Variants in NLRP5 observed in about 807,000 individuals in gnomAD.
The protein encoded by NLRP5 is NLR family pyrin domain containing 5.
NLRP5 carries 93 observed loss-of-function variants against 113.1 expected under a neutral mutation model. That is an observed-to-expected ratio of 0.82 (90% CI 0.70 to 0.98). NLRP5 has a LOEUF of 0.98. NLRP5 is among the 50% of genes least tolerant of loss of function. The pLI is 0.00. For synonymous variants in NLRP5, 751 were observed against 600.7 expected (o/e 1.25, Z -3.66); for missense variants, 1,808 against 1,514.3 (o/e 1.19, Z -3.22).
At chr19:56,013,761 G>C (rs576208113) in intron 3 of NLRP5, among the ~76,000 whole-genome samples, 1 of 151,902 alleles carries the variant, frequency 6.6e-6, no homozygotes, top group African/African-American at 2.4e-5. Flanking sequence ...CTGCCAAATG[G>C]TTTTTCTTGA....
chr19:56,023,929 C>T (rs903741047), intron 6 of NLRP5, among the ~76,000 whole-genome samples: 2 of 152,014 alleles, frequency 1.3e-5, no homozygotes, highest in African/African-American at 2.4e-5. Context: ...AATAGTAGTA[C>T]CAGTAAACTT....
At chr19:56,056,920 A>G (rs1158183286) in intron 13 of NLRP5, among the ~76,000 whole-genome samples, 2 of 152,150 alleles carry the variant, frequency 1.3e-5, no homozygotes, top group Non-Finnish European at 2.9e-5. Context: ...CCAGTGGATC[A>G]CTTGAGGTCA....
chr19:55,991,543 T>A, the NLRP5 span, among the ~76,000 whole-genome samples: 1 of 152,212 alleles, frequency 6.6e-6, no homozygotes, highest in African/African-American at 2.4e-5. Context: ...TAGCCACTTT[T>A]CTAAATTATG....
At chr19:56,003,427 T>C (rs1247440369) in intron 1 of NLRP5, among the ~76,000 whole-genome samples, 1 of 152,214 alleles carries the variant, frequency 6.6e-6, no homozygotes, top group Non-Finnish European at 1.5e-5. Flanking sequence ...GTGCTGGGAT[T>C]ACAGGCGTGA....
intron 11 of NLRP5, among the ~76,000 whole-genome samples, chr19:56,045,205 G>A (rs553759461): frequency 2.3e-4 from 35 of 152,200 alleles, no homozygotes; most frequent in African/African-American, 7.2e-4. Flanking sequence ...TCTTTCTCTC[G>A]TCTGATTACT....
At position 56,003,929 on chromosome 19, in the gene NLRP5, C is replaced by A. The variant is rs1277901232; in HGVS notation, c.276C>A (p.Thr92=). Reference sequence around the variant, plus strand: ...TAAAGAAGAAATCTTCAGAATCGACCACATGCTCTATTCCACAGTTTGAAA... The same window carrying A: ...TAAAGAAGAAATCTTCAGAATCGACAACATGCTCTATTCCACAGTTTGAAA... The change falls in exon 2 of 15, where the codon ACC becomes ACA. Residue 92 remains threonine (T), a synonymous_variant. Transcript: ENST00000390649. The A allele has an allele frequency of 6.2e-7, 1 of 1,613,972 alleles. No homozygotes were observed.
At chr19:56,055,473 T>A (rs1167158305) in intron 13 of NLRP5, among the ~76,000 whole-genome samples, 3 of 151,262 alleles carry the variant, frequency 2.0e-5, no homozygotes, top group African/African-American at 7.3e-5. Context: ...AATCAAGGCT[T>A]ACTTATCTTA....
At chr19:56,034,083 A>G (rs1474696489) in intron 9 of NLRP5, among the ~76,000 whole-genome samples, 21 of 152,132 alleles carry the variant, frequency 1.4e-4, no homozygotes, top group Admixed American at 1.2e-3. Context: ...TTTTAATTGT[A>G]TAGAGGTTGA....
At position 56,024,421 on chromosome 19, in the gene NLRP5, T is replaced by TTA. The variant is rs1555766886; in HGVS notation, c.680-2485_680-2484dup. 5.6e-5 allele frequency among the ~76,000 whole-genome samples: 8 copies of TTA among 141,770 alleles called. No individual in the cohort carries two copies. In the East Asian group the frequency reaches 1.0e-3, roughly 18 times the overall value. 93.0% of individuals were successfully genotyped at this position (141,770 alleles called of 152,430 possible). On this transcript the variant is annotated intron_variant, in intron 6 of 14. Coordinates refer to ENST00000390649, the MANE Select transcript of NLRP5 (RefSeq NM_153447.4). ...ATATATGTACATATATGTATATATG[T>TTA]TATATATACACATATACATATATTT...
intron 11 of NLRP5, among the ~76,000 whole-genome samples, chr19:56,048,762 T>C (rs1983817624): frequency 6.6e-6 from 1 of 152,116 alleles, no homozygotes; most frequent in African/African-American, 2.4e-5. Context: ...GATGTCTAGT[T>C]CTCTAGAAAG....
intron 9 of NLRP5, among the ~76,000 whole-genome samples, chr19:56,036,055 A>AT (rs1261118713): frequency 1.2e-4 from 11 of 90,596 alleles, no homozygotes; most frequent in Middle Eastern, 6.7e-3. Context: ...ATGAATTGAG[A>AT]TTCTTTTTTT....
the NLRP5 span, among the ~76,000 whole-genome samples, chr19:55,992,528 T>C: frequency 6.6e-6 from 1 of 152,126 alleles, no homozygotes; most frequent in Non-Finnish European, 1.5e-5. Flanking sequence ...CTCAGCAGCG[T>C]CGGTTTTTTG....
intron 11 of NLRP5, among the ~76,000 whole-genome samples, chr19:56,041,701 A>C (rs1983528923): frequency 1.3e-5 from 2 of 152,134 alleles, no homozygotes; most frequent in African/African-American, 4.8e-5. Flanking sequence ...TAACCCCAGC[A>C]CTTTGGGAGG....
intron 10 of NLRP5, among the ~76,000 whole-genome samples, chr19:56,040,294 G>A (rs775425434): frequency 3.2e-4 from 49 of 152,226 alleles, no homozygotes; most frequent in African/African-American, 9.6e-4. Flanking sequence ...AGTGGCTCAC[G>A]CCTGTAATCC....
intron 13 of NLRP5, among the ~76,000 whole-genome samples, chr19:56,055,537 CTTTTTTTTTTTTTT>C (rs1160965587): frequency 5.2e-5 from 4 of 76,458 alleles, no homozygotes; most frequent in Non-Finnish European, 9.5e-5. Flanking sequence ...CTTTCTCTGT[CTTTTTTTTTTTTTT>C]TTTTTTTTTT....
intron 9 of NLRP5, among the ~76,000 whole-genome samples, chr19:56,036,137 C>T (rs1421965949): frequency 3.6e-5 from 5 of 139,760 alleles, no homozygotes; most frequent in Non-Finnish European, 7.5e-5. Context: ...AATCTCGGCT[C>T]ATTGCAAGCC....
At chr19:55,991,847 C>T in the NLRP5 span, among the ~76,000 whole-genome samples, 3 of 152,160 alleles carry the variant, frequency 2.0e-5, no homozygotes, top group East Asian at 1.9e-4. Context: ...CAAAACTGAA[C>T]GGAAGTGCTG....
At chr19:55,987,624 G>A in the NLRP5 span, among the ~76,000 whole-genome samples, 1 of 152,180 alleles carries the variant, frequency 6.6e-6, no homozygotes, top group Non-Finnish European at 1.5e-5. Flanking sequence ...ATCATTCAAA[G>A]CTGGGTCTGA....
chr19:56,043,855 G>A (rs1983620310), intron 11 of NLRP5, among the ~76,000 whole-genome samples: 1 of 151,036 alleles, frequency 6.6e-6, no homozygotes, highest in South Asian at 2.2e-4. Context: ...GGGATTACAG[G>A]CGTGAGCCAC....
Sources: gnomAD v4.1 joint callset for allele counts (sites outside exome capture counted in the v4.1 genomes callset) on GRCh38, gnomAD v4.1.1 for gene constraint, MANE v1.5 for transcripts, NCBI Gene and HGNC (gene_info 2026-07-23, HGNC 2026-07-21) for gene names.